KDSR: variants seen among roughly 807,000 people sequenced by gnomAD.
KDSR encodes the protein 3-ketodihydrosphingosine reductase, also known as 3-dehydrosphinganine reductase.
KDSR carries 23 observed loss-of-function variants against 41.3 expected under a neutral mutation model. The ratio of observed to expected loss-of-function variants is 0.56; its 90% confidence interval spans 0.40 to 0.79. The LOEUF is 0.79. Ranked by LOEUF, KDSR falls within the 30% of genes least tolerant of loss-of-function variation. The pLI, the probability that KDSR is intolerant of heterozygous loss-of-function variation, is 0.00. For synonymous variants in KDSR, 138 were observed against 151.7 expected (o/e 0.91, Z 0.66); for missense variants, 351 against 416.8 (o/e 0.84, Z 1.37).
chr18:63,338,722 T>G lies in KDSR; in HGVS notation c.777+78A>C, dbSNP rs1914256134. The G allele has an allele frequency of 7.5e-6, 7 of 939,100 alleles. No homozygotes were observed. In the South Asian group the frequency reaches 7.5e-5, roughly 10 times the overall value. 58.2% of individuals were successfully genotyped at this position (939,100 alleles called of 1,614,324 possible). On this transcript the variant is annotated intron_variant, in intron 8 of 9. Coordinates refer to ENST00000645214, the MANE Select transcript of KDSR (RefSeq NM_002035.4). ...AATTCTAATAATTGATGTTTTGAAG[T>G]AAGTCCTTGGACAAATATCTTTTCA...
chr18:63,336,746 G>A (rs1914170873), intron 8 of KDSR, among the ~76,000 whole-genome samples: 2 of 152,084 alleles, frequency 1.3e-5, no homozygotes, highest in Non-Finnish European at 2.9e-5. Flanking sequence ...ATTCTATACT[G>A]CAACTAACCT....
In KDSR at chr18:63,356,259, C is replaced by T. The variant is rs182455954; in HGVS notation, c.256-696G>A. 2.5e-3 allele frequency among the ~76,000 whole-genome samples: 383 copies of T among 152,054 alleles called. 1 individual carries two copies. The highest frequency in any genetic ancestry group is 7.6e-3 in the African/African-American group (317 of 41,464). ...CTAAAAATACAAAAAATTAGCCTGG[C>T]GTGGTGGTGGGCACTTATAATCCCA... On this transcript the variant is annotated intron_variant, in intron 3 of 9. Coordinates refer to ENST00000645214, the MANE Select transcript of KDSR (RefSeq NM_002035.4).
At chr18:63,361,938 C>T (rs1304685173) in intron 2 of KDSR, among the ~76,000 whole-genome samples, 1 of 152,204 alleles carries the variant, frequency 6.6e-6, no homozygotes, top group Non-Finnish European at 1.5e-5. Flanking sequence ...CAGCCCTCCA[C>T]CCATTTGAGG....
In KDSR at chr18:63,359,731, T is replaced by G; in HGVS notation, c.255+5A>C. The stretch of plus-strand genomic sequence containing the variant: ...AGAAAATGCATTCTGAAGACAGAGA[T>G]TTACCTGTTTGTCATTAATAGAGTG... On this transcript the variant is annotated splice_donor_5th_base_variant and intron_variant, in intron 3 of 9. Transcript: ENST00000645214. The G allele has an allele frequency of 6.3e-7, 1 of 1,585,520 alleles. No homozygotes were observed. Among genetic ancestry groups the G allele is most frequent in the Non-Finnish European group, 8.7e-7 (1 of 1,155,498 alleles).
intron 8 of KDSR, chr18:63,335,586 A>G (rs2037566527): frequency 2.1e-6 from 1 of 484,238 alleles, no homozygotes. Flanking sequence ...GATTGTCCTA[A>G]TAACACTAAG....
intron 7 of KDSR, among the ~76,000 whole-genome samples, chr18:63,340,315 T>C (rs574259101): frequency 6.6e-6 from 1 of 152,212 alleles, no homozygotes. Flanking sequence ...TTTACTTCTT[T>C]GAAATAGCAG....
chr18:63,331,260 G>T lies in KDSR; in HGVS notation c.*522C>A. The T allele has an allele frequency of 1.0e-5, 2 of 199,630 alleles. No individual in the cohort carries two copies. The highest frequency in any genetic ancestry group is 2.0e-5 in the Non-Finnish European group (2 of 100,916). The allele number at this position is 199,630 out of a possible 1,614,324, so 12.4% of individuals were successfully genotyped here. On this transcript the variant is annotated 3_prime_UTR_variant, in exon 10 of 10. Transcript: ENST00000645214. ...ACTCATCTTGAATAAAATACACAAA[G>T]AAAGAAAGAGAGAGAGAGAGAGAGA...
At chr18:63,359,668 ACT>A (rs1214214472) in intron 3 of KDSR, 66 bp downstream of exon 3, 16 of 984,056 alleles carry the variant, frequency 1.6e-5, no homozygotes, top group Middle Eastern at 3.0e-4. Context: ...AGGTGAAGTA[ACT>A]CTGTTTTTCC....
At chr18:63,366,680 G>C (rs1915147790) in intron 1 of KDSR, 1 of 249,238 alleles carries the variant, frequency 4.0e-6, no homozygotes, top group Non-Finnish European at 7.7e-6. Flanking sequence ...AAAAACTGAG[G>C]ACAAAACATC....
In KDSR at chr18:63,332,554, G is replaced by A. The variant is rs542008645; in HGVS notation, c.880-653C>T. 7.9e-5 allele frequency among the ~76,000 whole-genome samples: 12 copies of A among 152,284 alleles called. No homozygotes were observed. In the South Asian group the frequency reaches 1.7e-3, roughly 21 times the overall value. On this transcript the variant is annotated intron_variant, in intron 9 of 9. Transcript: ENST00000645214. ...CATAAGAGAATGGAAAAATCAGGCC[G>A]GGCGCGGTGGCTCACGCCTGTAATC...
chr18:63,350,150 T>C (rs942957087), intron 6 of KDSR, among the ~76,000 whole-genome samples: 11 of 152,216 alleles, frequency 7.2e-5, no homozygotes, highest in Non-Finnish European at 1.5e-4. Context: ...TTTTTCAGCA[T>C]GTGATTTTTG....
chr18:63,328,355 CTTTT>C lies in KDSR; in HGVS notation c.*3423_*3426del, dbSNP rs11349419. On this transcript the variant is annotated 3_prime_UTR_variant, in exon 10 of 10. Coordinates refer to ENST00000645214, the MANE Select transcript of KDSR (RefSeq NM_002035.4). ...ACAGATCCAGATAAAGATTTTTTTT[CTTTT>C]TTTTTTTTTTTGAGACAGAGTCTCG... The C allele has an allele frequency of 9.4e-5, 13 of 138,624 alleles. No individual in the cohort carries two copies. Among genetic ancestry groups the C allele is most frequent in the East Asian group, 4.9e-4 (3 of 6,086 alleles). 8.6% of individuals were successfully genotyped at this position (138,624 alleles called of 1,614,324 possible).
chr18:63,362,544 A>G (rs1599340763), intron 2 of KDSR, among the ~76,000 whole-genome samples: 1 of 152,316 alleles, frequency 6.6e-6, no homozygotes, highest in East Asian at 1.9e-4. Context: ...TGCAGTATCT[A>G]TGATGATGTT....
intron 1 of KDSR, chr18:63,366,438 G>T: frequency 6.5e-6 from 1 of 153,006 alleles, no homozygotes; most frequent in Non-Finnish European, 1.5e-5. Flanking sequence ...GCTGGGTTCT[G>T]AGCAGTTTCC....
In KDSR at chr18:63,360,272, G is replaced by A. The variant is rs140155747; in HGVS notation, c.199-480C>T. Among the ~76,000 whole-genome samples the A allele has an allele frequency of 1.2e-4, 18 of 152,250 alleles. No homozygotes were observed. In the East Asian group the frequency reaches 3.3e-3, roughly 28 times the overall value. On this transcript the variant is annotated intron_variant, in intron 2 of 9. Transcript: ENST00000645214. ...AAGAATCACTTTCTGGATAGACTGG[G>A]TAAACTAGGCCTGGCTACTATAAAA...
chr18:63,359,499 T>C (rs1416707601), intron 3 of KDSR: 1 of 401,424 alleles, frequency 2.5e-6, no homozygotes, highest in Non-Finnish European at 4.4e-6. Flanking sequence ...AATGAAATTA[T>C]TTGCCAGTAA....
chr18:63,363,030 T>C (rs2144382673), intron 1 of KDSR, among the ~76,000 whole-genome samples, 162 bp from the exon 2 acceptor site: 1 of 152,258 alleles, frequency 6.6e-6, no homozygotes, highest in East Asian at 1.9e-4. Flanking sequence ...GGAGTAAGTG[T>C]AAGCATGAAA....
At chr18:63,361,089 C>G (rs1190712520) in intron 2 of KDSR, among the ~76,000 whole-genome samples, 1 of 102,998 alleles carries the variant, frequency 9.7e-6, no homozygotes, top group Non-Finnish European at 1.9e-5. Context: ...CACACACACA[C>G]AAATCAGCCA....
At chr18:63,339,812 A>G (rs1004622598) in intron 7 of KDSR, among the ~76,000 whole-genome samples, 1 of 152,374 alleles carries the variant, frequency 6.6e-6, no homozygotes, top group East Asian at 1.9e-4. Flanking sequence ...GAAGTGTCAA[A>G]TAATTTCAAG....
Sources: allele counts gnomAD v4.1 joint callset (sites outside exome capture counted in the v4.1 genomes callset), GRCh38; gene constraint gnomAD v4.1.1; transcripts MANE v1.5; gene names NCBI Gene and HGNC (gene_info 2026-07-23, HGNC 2026-07-21).